LRRC37A: variants seen among roughly 807,000 people sequenced by gnomAD.
LRRC37A encodes the protein leucine rich repeat containing 37A, also known as leucine-rich repeat-containing protein 37A.
In LRRC37A, 3 loss-of-function variants were observed where a neutral mutation model predicts 35.4. The observed-to-expected ratio is 0.08, with a 90% CI of 0.04 to 0.22. The LOEUF (loss-of-function observed/expected upper bound fraction) is 0.22. Ranked by LOEUF, LRRC37A falls within the 10% of genes least tolerant of loss-of-function variation. The pLI is 1.00. For synonymous variants in LRRC37A, 23 were observed against 215.0 expected (o/e 0.11, Z 7.81); for missense variants, 67 against 565.3 (o/e 0.12, Z 8.94).
the LRRC37A span, among the ~76,000 whole-genome samples, chr17:46,272,815 G>A: frequency 1.3e-5 from 2 of 152,248 alleles, no homozygotes; most frequent in Admixed American, 1.3e-4. Flanking sequence ...GATAGAAACT[G>A]TAAAACACTT....
At chr17:46,262,325 C>A in the LRRC37A span, among the ~76,000 whole-genome samples, 2 of 152,192 alleles carry the variant, frequency 1.3e-5, no homozygotes, top group African/African-American at 4.8e-5. Flanking sequence ...TGAGCCACTG[C>A]GCCCGGCCGA....
chr17:46,254,960 C>G, the LRRC37A span, among the ~76,000 whole-genome samples: 1 of 151,904 alleles, frequency 6.6e-6, no homozygotes, highest in East Asian at 1.9e-4. Context: ...CTTAGCCTCC[C>G]AAGTAGCTGG....
the LRRC37A span, among the ~76,000 whole-genome samples, chr17:46,267,678 G>T: frequency 6.8e-6 from 1 of 147,838 alleles, no homozygotes; most frequent in East Asian, 1.9e-4. Flanking sequence ...TATTATTTCC[G>T]CCACTGTGAT....
the LRRC37A span, chr17:46,267,080 G>T: frequency 0.16 from 54,038 of 334,638 alleles, 98 homozygotes; most frequent in Non-Finnish European, 0.21. Flanking sequence ...CGCGGAGCCC[G>T]GCGCCGAGCT....
chr17:46,287,940 T>G (rs2049962702), upstream of LRRC37A, among the ~76,000 whole-genome samples: 1 of 152,224 alleles, frequency 6.6e-6, no homozygotes. Context: ...ATAGGCACAG[T>G]GTAGGAACAT....
At chr17:46,253,997 C>T in the LRRC37A span, among the ~76,000 whole-genome samples, 90 of 152,324 alleles carry the variant, frequency 5.9e-4, no homozygotes, top group African/African-American at 1.3e-3. Flanking sequence ...ATCTTAGAGG[C>T]GGCCAGCAGA....
At chr17:46,332,956 T>C (rs2052083000) in intron 10 of LRRC37A, among the ~76,000 whole-genome samples, 1 of 151,230 alleles carries the variant, frequency 6.6e-6, no homozygotes, top group Admixed American at 6.6e-5. Context: ...AACAATTGGA[T>C]GTACTCATCA....
Position 46,332,413 on chromosome 17 carries a change from C to T in LRRC37A, c.4705-139C>T, listed in dbSNP as rs572802959. The T allele has an allele frequency of 4.5e-3, 1,658 of 365,904 alleles. 67 individuals carry two copies. The African/African-American group carries it at 0.055, about 12-fold the overall frequency. The allele number at this position is 365,904 out of a possible 1,614,324, so 22.7% of individuals were successfully genotyped here. A position where few individuals can be genotyped will look rare whatever the true frequency, so the allele number is the denominator to read the frequency against. On this transcript the variant is annotated intron_variant, in intron 9 of 13. Transcript: ENST00000320254. ...AGTCTAGTGAACGGTGATTGCACCA[C>T]GGTACCCAAGCCTGGGTGACAGAGT...
At chr17:46,250,297 C>T in the LRRC37A span, among the ~76,000 whole-genome samples, 3 of 152,254 alleles carry the variant, frequency 2.0e-5, no homozygotes, top group East Asian at 5.8e-4. Flanking sequence ...CAAAAGCTTA[C>T]AAGTAGTCCA....
chr17:46,255,919 C>G, the LRRC37A span, among the ~76,000 whole-genome samples: 5 of 152,096 alleles, frequency 3.3e-5, no homozygotes, highest in Non-Finnish European at 2.9e-5. Context: ...TCGTGATCTG[C>G]CTGCCTCAGC....
chr17:46,253,717 G>A, the LRRC37A span, among the ~76,000 whole-genome samples: 1 of 129,326 alleles, frequency 7.7e-6, no homozygotes, highest in Non-Finnish European at 1.9e-5. Context: ...CAGCATCAGA[G>A]GGAGACCGTG....
chr17:46,277,442 GC>G, the LRRC37A span, among the ~76,000 whole-genome samples: 3 of 152,190 alleles, frequency 2.0e-5, no homozygotes, highest in African/African-American at 7.2e-5. Context: ...ACCACCAAAG[GC>G]CTTTCCAATT....
chr17:46,251,097 T>C, the LRRC37A span, among the ~76,000 whole-genome samples: 1 of 152,156 alleles, frequency 6.6e-6, no homozygotes, highest in Admixed American at 6.5e-5. Context: ...AGACCCTGTC[T>C]CAAAAAACAA....
chr17:46,280,184 C>T, the LRRC37A span, among the ~76,000 whole-genome samples: 1 of 151,980 alleles, frequency 6.6e-6, no homozygotes, highest in South Asian at 2.1e-4. Flanking sequence ...GCCAACATGG[C>T]AAAACCCCAT....
At chr17:46,258,170 C>T in the LRRC37A span, among the ~76,000 whole-genome samples, 1 of 152,280 alleles carries the variant, frequency 6.6e-6, no homozygotes, top group East Asian at 1.9e-4. Flanking sequence ...AGAACACACA[C>T]AGCCCAGGTA....
the LRRC37A span, among the ~76,000 whole-genome samples, chr17:46,249,000 T>G: frequency 3.9e-5 from 6 of 152,006 alleles, no homozygotes; most frequent in Middle Eastern, 3.2e-3. Context: ...AGTAGAAAAT[T>G]TAAAATACAG....
the LRRC37A span, among the ~76,000 whole-genome samples, chr17:46,254,395 G>GTATT: frequency 8.7e-4 from 132 of 151,318 alleles, 2 homozygotes; most frequent in African/African-American, 2.8e-3. Context: ...GCCATTTATT[G>GTATT]TATTTATTTA....
chr17:46,252,039 C>T, the LRRC37A span, among the ~76,000 whole-genome samples: 4 of 152,212 alleles, frequency 2.6e-5, no homozygotes, highest in African/African-American at 2.4e-5. Flanking sequence ...AATCCATTTC[C>T]TCCACAGGGA....
chr17:46,280,703 G>T, the LRRC37A span, among the ~76,000 whole-genome samples: 135 of 151,686 alleles, frequency 8.9e-4, no homozygotes, highest in Non-Finnish European at 1.8e-3. Flanking sequence ...CCTCCTGTGT[G>T]GCTGGGACTA....
Sources: allele counts gnomAD v4.1 joint callset (sites outside exome capture counted in the v4.1 genomes callset), GRCh38; gene constraint gnomAD v4.1.1; transcripts MANE v1.5; gene names NCBI Gene and HGNC (gene_info 2026-07-23, HGNC 2026-07-21).